AXIN1: variants seen among roughly 807,000 people sequenced by gnomAD.
AXIN1 encodes the protein axin 1, also known as axin-1.
Under a neutral mutation model 76.4 loss-of-function variants are expected in AXIN1, and 30 were observed. That is an observed-to-expected ratio of 0.39 (90% CI 0.29 to 0.53). The LOEUF is 0.53. AXIN1 is among the 20% of genes least tolerant of loss of function. The probability of loss-of-function intolerance (pLI) is 0.66; values close to 1 mark genes in which losing one functional copy is unlikely to be tolerated. For synonymous variants in AXIN1, 545 were observed against 501.4 expected, an observed-to-expected ratio of 1.09 and a Z score of -1.16; for missense variants, 1,140 against 1,198.8, an observed-to-expected ratio of 0.95 and a Z score of 0.72.
intron 1 of AXIN1, among the ~76,000 whole-genome samples, chr16:349,981 G>A (rs1442470765): frequency 2.6e-5 from 4 of 152,076 alleles, no homozygotes; most frequent in Non-Finnish European, 5.9e-5. Context: ...TGTATTTTGG[G>A]TTTCACCACG....
At chr16:347,880 A>G (rs968259609) in intron 1 of AXIN1, among the ~76,000 whole-genome samples, 9 of 152,256 alleles carry the variant, frequency 5.9e-5, no homozygotes, top group African/African-American at 1.7e-4. Context: ...TTGACTCTGA[A>G]AAGCCTCTCT....
At position 297,358 on chromosome 16, in the gene AXIN1, G is replaced by A. The variant is rs577184980; in HGVS notation, c.1785-132C>T. ...AGCCGCCGCCCGCTGTCCCCTGCCC[G>A]CTTGTCCCCCACCCGCTGTCCCCCG... On this transcript the variant is annotated intron_variant, in intron 6 of 10. Coordinates refer to ENST00000262320, the MANE Select transcript of AXIN1 (RefSeq NM_003502.4). 3,982 of 1,206,032 alleles carry A rather than the reference G, an allele frequency of 3.3e-3. 31 individuals are homozygous for A. Among genetic ancestry groups the A allele is most frequent in the Non-Finnish European group, 3.3e-3 (2,823 of 853,806 alleles). The allele number at this position is 1,206,032 out of a possible 1,614,324, so 74.7% of individuals were successfully genotyped here. A position where few individuals can be genotyped will look rare whatever the true frequency, so the allele number is the denominator to read the frequency against.
At chr16:302,759 A>G (rs1258554096) in intron 5 of AXIN1, among the ~76,000 whole-genome samples, 3 of 152,238 alleles carry the variant, frequency 2.0e-5, no homozygotes, top group Admixed American at 2.0e-4. Flanking sequence ...GGAAACGCTC[A>G]GAAGTGTATA....
At chr16:348,088 G>GCTA (rs1331421064) in intron 1 of AXIN1, among the ~76,000 whole-genome samples, 1 of 152,230 alleles carries the variant, frequency 6.6e-6, no homozygotes, top group Non-Finnish European at 1.5e-5. Flanking sequence ...TGCTGCTGCT[G>GCTA]CTACAAGCCT....
At chr16:290,443 G>A (rs553657205) in intron 9 of AXIN1, 2 of 156,262 alleles carry the variant, frequency 1.3e-5, no homozygotes, top group Admixed American at 1.2e-4. Context: ...CCTGGAGCCA[G>A]GCCCATCAGA....
rs140151215 is a variant in AXIN1, at chr16:346,221, G to C, written c.805C>G (p.Gln269Glu). ...GCAGCTGTCTCCAGGAGCAGCTTCT[G>C]AGGGAGTCTTCCGGGGGGAGCAGCG... Reference protein sequence around the residue: ...RDAAPPGRLPQKLLLETAAPR... With the variant: ...RDAAPPGRLPEKLLLETAAPR... The change falls in exon 2 of 11, where the codon CAG becomes GAG. Residue 269 changes from glutamine (Q) to glutamate (E), a missense_variant. Physicochemically the swap from Gln to Glu is conservative, Grantham distance 29 (BLOSUM62 2). Around this residue, in one of 3 missense-constraint regions of AXIN1, gnomAD observed 708 missense variants for 776.9 expected, o/e 0.91. Transcript: ENST00000262320. 5.2e-4 allele frequency: 840 copies of C among 1,614,096 alleles called. 5 individuals are homozygous for C. The African/African-American group carries it at 9.6e-3, about 18-fold the overall frequency.
At chr16:322,661 C>G (rs1191280248) in intron 2 of AXIN1, among the ~76,000 whole-genome samples, 1 of 152,238 alleles carries the variant, frequency 6.6e-6, no homozygotes, top group Non-Finnish European at 1.5e-5. Flanking sequence ...CTCCAGCCAC[C>G]TGAGTCCCAC....
At chr16:306,242 G>A (rs573440109) in intron 4 of AXIN1, among the ~76,000 whole-genome samples, 9 of 152,152 alleles carry the variant, frequency 5.9e-5, no homozygotes, top group East Asian at 1.9e-4. Context: ...AAGCAAGGTC[G>A]CTCTCATACC....
chr16:309,887 G>A, intron 4 of AXIN1, 86 bp downstream of exon 4: 1 of 1,360,118 alleles, frequency 7.4e-7, no homozygotes, highest in South Asian at 1.2e-5. Flanking sequence ...GGGAGGCCAG[G>A]CAAGTGCCTT....
At chr16:336,548 G>A (rs141561745) in intron 2 of AXIN1, among the ~76,000 whole-genome samples, 103 of 152,300 alleles carry the variant, frequency 6.8e-4, no homozygotes, top group Non-Finnish European at 9.4e-4. Context: ...CCAGCTGGGC[G>A]CGGTGCCTCA....
At chr16:322,761 C>T (rs916582461) in intron 2 of AXIN1, among the ~76,000 whole-genome samples, 5 of 152,168 alleles carry the variant, frequency 3.3e-5, no homozygotes, top group Admixed American at 6.5e-5. Flanking sequence ...GGGCGGTGGA[C>T]GGATGAGTGC....
chr16:303,981 C>T (rs972694884), intron 5 of AXIN1, among the ~76,000 whole-genome samples: 2 of 152,154 alleles, frequency 1.3e-5, no homozygotes, highest in African/African-American at 2.4e-5. Flanking sequence ...TGAGATCACC[C>T]GCTGCAGTCT....
At chr16:290,677 T>C (rs776127462) in intron 9 of AXIN1, 1 of 245,642 alleles carries the variant, frequency 4.1e-6, no homozygotes. Flanking sequence ...GTCTGAGCCC[T>C]TTCTCACGGG....
chr16:314,565 G>A lies in AXIN1; in HGVS notation c.997C>T (p.Leu333=), dbSNP rs2141592674. ...QQSLSSDADT[L]SLTDSSVDGI... The stretch of plus-strand genomic sequence containing the variant: ...TACACGCTGCTGTCCGTGAGGGACA[G>A]GGTGTCTGCATCGCTGGACAGGCTC... Residue 333 remains leucine (L), a synonymous_variant, in exon 3 of 11, where the codon CTG becomes TTG. Transcript: ENST00000262320. 1 of 1,613,926 alleles carries A rather than the reference G, an allele frequency of 6.2e-7. No homozygotes were observed. Among genetic ancestry groups the A allele is most frequent in the Non-Finnish European group, 8.5e-7 (1 of 1,179,924 alleles).
chr16:349,194 T>C (rs2054094019), intron 1 of AXIN1, among the ~76,000 whole-genome samples: 2 of 152,210 alleles, frequency 1.3e-5, no homozygotes, highest in Admixed American at 1.3e-4. Context: ...GTGCCCCCAA[T>C]GACATTTCAG....
chr16:305,692 T>C (rs537206151), intron 4 of AXIN1, among the ~76,000 whole-genome samples: 2,260 of 151,956 alleles, frequency 0.015, 23 homozygotes, highest in Non-Finnish European at 0.02. Flanking sequence ...TACAGGCGCC[T>C]GCCACCATGC....
At chr16:351,198 T>G (rs574776964) in intron 1 of AXIN1, among the ~76,000 whole-genome samples, 57 of 151,690 alleles carry the variant, frequency 3.8e-4, no homozygotes, top group African/African-American at 1.3e-3. Flanking sequence ...TAGACTGTGT[T>G]TTCTCCAAAA....
rs755921772 is a variant in AXIN1 at position 346,826 on chromosome 16, T to C, written c.200A>G (p.Asp67Gly). 6.2e-7 allele frequency: 1 copy of C among 1,613,556 alleles called. No homozygotes were observed. Among genetic ancestry groups the C allele is most frequent in the Admixed American group, 1.7e-5 (1 of 60,008 alleles). Residue 67 changes from aspartate (D) to glycine (G), a missense_variant, in exon 2 of 11, where the codon GAC (aspartate) becomes GGC (glycine). Transcript: ENST00000262320. ...STATPRRSDL[D>G]LGYEPEGSAS... ...ACTGCCCTCAGGCTCATACCCCAGG[T>C]CCAGATCCGAGCGCCTCGGAGTGGC...
intron 9 of AXIN1, chr16:290,036 G>A: frequency 3.7e-6 from 1 of 268,890 alleles, no homozygotes; most frequent in South Asian, 4.1e-5. Flanking sequence ...CCGCAGCGAA[G>A]TTTGTCGGAG....
Sources: gnomAD v4.1 joint callset for allele counts (sites outside exome capture counted in the v4.1 genomes callset) on GRCh38, gnomAD v4.1.1 for gene constraint, gnomAD v4.1.1 regional missense constraint, MANE v1.5 for transcripts, NCBI Gene and HGNC (gene_info 2026-07-23, HGNC 2026-07-21) for gene names.